Variants in BICC1 observed in about 807,000 individuals in gnomAD.
BICC1 encodes BicC family RNA binding protein 1, also known as protein bicaudal C homolog 1.
BICC1 carries 43 observed loss-of-function variants against 111.0 expected under a neutral mutation model. The ratio of observed to expected loss-of-function variants is 0.39; its 90% CI spans 0.30 to 0.50. BICC1 has a LOEUF of 0.50. BICC1 is among the 20% of genes least tolerant of loss of function. BICC1 has a pLI of 0.88. For missense variants in BICC1, 1,091 were observed against 1,203.2 expected, an observed-to-expected ratio of 0.91 and a Z score of 1.38; for synonymous variants, 467 against 434.4, an observed-to-expected ratio of 1.07 and a Z score of -0.93.
intron 2 of BICC1, among the ~76,000 whole-genome samples, chr10:58,675,571 C>A (rs1052512790): frequency 3.3e-5 from 5 of 151,982 alleles, no homozygotes; most frequent in African/African-American, 7.3e-5. Context: ...AAAAAAAAAT[C>A]AAACTTACAG....
chr10:58,513,363 C>A (rs748825695), intron 1 of BICC1, 30 bp downstream of exon 1: 3 of 1,544,312 alleles, frequency 1.9e-6, no homozygotes, highest in South Asian at 2.4e-5. Flanking sequence ...TCGGACTCTC[C>A]GACTGAGCCT....
intron 2 of BICC1, among the ~76,000 whole-genome samples, chr10:58,655,894 G>A (rs920359437): frequency 1.3e-5 from 2 of 151,946 alleles, no homozygotes; most frequent in African/African-American, 4.8e-5. Flanking sequence ...TTAGCATGAA[G>A]GGTTGTTGAA....
intron 1 of BICC1, among the ~76,000 whole-genome samples, chr10:58,620,411 G>T (rs1845764183): frequency 6.6e-6 from 1 of 152,058 alleles, no homozygotes; most frequent in Non-Finnish European, 1.5e-5. Context: ...TGAAATTCAA[G>T]TAGATTATAT....
intron 3 of BICC1, among the ~76,000 whole-genome samples, chr10:58,713,477 T>C (rs577886665): frequency 6.6e-6 from 1 of 152,364 alleles, no homozygotes; most frequent in African/African-American, 2.4e-5. Flanking sequence ...TGAAGGAGTG[T>C]TATTCTCCCC....
chr10:58,554,251 A>G (rs1295918445), intron 1 of BICC1, among the ~76,000 whole-genome samples: 1 of 152,148 alleles, frequency 6.6e-6, no homozygotes, highest in Non-Finnish European at 1.5e-5. Context: ...TGAGAGTCAG[A>G]GAGGACAATT....
intron 2 of BICC1, among the ~76,000 whole-genome samples, chr10:58,624,750 C>T (rs566415241): frequency 1.3e-5 from 2 of 152,052 alleles, no homozygotes; most frequent in South Asian, 2.1e-4. Context: ...TGCGCCACCA[C>T]GCCCAGTTAA....
rs993346434 is a variant in BICC1 at position 58,830,528 on chromosome 10, C to T, written c.*1637C>T. On this transcript the variant is annotated 3_prime_UTR_variant, in exon 21 of 21. Coordinates refer to ENST00000373886, the MANE Select transcript of BICC1 (RefSeq NM_001080512.3). ...TTATACAAATATGGGATAAGAAATA[C>T]TTGCCTGACACTTTTCCATGGCTGA... 6.6e-6 allele frequency: 1 copy of T among 152,130 alleles called. No individual in the cohort carries two copies. The highest frequency in any genetic ancestry group is 1.5e-5 in the Non-Finnish European group (1 of 68,008). The allele number at this position is 152,130 out of a possible 1,614,324, so 9.4% of individuals were successfully genotyped here.
chr10:58,641,328 T>G (rs1029633206), intron 2 of BICC1, among the ~76,000 whole-genome samples: 2 of 152,212 alleles, frequency 1.3e-5, no homozygotes, highest in African/African-American at 4.8e-5. Flanking sequence ...AGGGCAACAC[T>G]TGCATTGTGG....
intron 1 of BICC1, among the ~76,000 whole-genome samples, chr10:58,574,366 G>A (rs1471139430): frequency 1.3e-5 from 2 of 152,134 alleles, no homozygotes; most frequent in South Asian, 2.1e-4. Context: ...CCCAGGACAC[G>A]TGGCTACCAG....
chr10:58,525,857 C>A (rs1250547121), intron 1 of BICC1, among the ~76,000 whole-genome samples: 1 of 151,524 alleles, frequency 6.6e-6, no homozygotes, highest in Non-Finnish European at 1.5e-5. Context: ...GCTTTGTATT[C>A]AGTATTTTAA....
At chr10:58,730,129 A>G (rs1249748774) in intron 3 of BICC1, among the ~76,000 whole-genome samples, 1 of 152,226 alleles carries the variant, frequency 6.6e-6, no homozygotes, top group Non-Finnish European at 1.5e-5. Context: ...CAAGTTAGTT[A>G]CTTCCAAGAT....
intron 1 of BICC1, among the ~76,000 whole-genome samples, chr10:58,542,150 C>CAAAAAAAAAA (rs149049552): frequency 2.4e-5 from 2 of 82,366 alleles, no homozygotes; most frequent in South Asian, 4.7e-4. Flanking sequence ...GACCCTGTCT[C>CAAAAAAAAAA]AAAAAAAAAA....
chr10:58,598,304 A>T (rs761758309), intron 1 of BICC1, among the ~76,000 whole-genome samples: 1 of 152,172 alleles, frequency 6.6e-6, no homozygotes, highest in Non-Finnish European at 1.5e-5. Flanking sequence ...TGGTACCAAA[A>T]CAGAGATATG....
chr10:58,631,164 A>G (rs1254615405), intron 2 of BICC1, among the ~76,000 whole-genome samples: 2 of 152,050 alleles, frequency 1.3e-5, no homozygotes, highest in African/African-American at 4.8e-5. Flanking sequence ...TCCCTCTTAC[A>G]CTTCTGTGGG....
intron 2 of BICC1, among the ~76,000 whole-genome samples, chr10:58,651,294 A>G (rs1359736619): frequency 6.6e-6 from 1 of 152,180 alleles, no homozygotes; most frequent in Non-Finnish European, 1.5e-5. Flanking sequence ...GTGAGCAGAA[A>G]AGACCCAGCA....
intron 1 of BICC1, among the ~76,000 whole-genome samples, chr10:58,534,776 A>T (rs1308897649): frequency 6.6e-6 from 1 of 151,718 alleles, no homozygotes; most frequent in African/African-American, 2.4e-5. Flanking sequence ...TAAAAATTCA[A>T]AAGGTTGATT....
At chr10:58,670,069 G>A (rs1434060391) in intron 2 of BICC1, among the ~76,000 whole-genome samples, 4 of 152,116 alleles carry the variant, frequency 2.6e-5, no homozygotes, top group African/African-American at 9.7e-5. Context: ...ATGGGAAAAT[G>A]CACAAAAGTT....
chr10:58,797,990 G>A (rs1025854007), intron 10 of BICC1, among the ~76,000 whole-genome samples: 9 of 152,272 alleles, frequency 5.9e-5, no homozygotes, highest in Admixed American at 2.6e-4. Flanking sequence ...TTCCCTAGTC[G>A]CTGCTACATG....
intron 2 of BICC1, among the ~76,000 whole-genome samples, chr10:58,690,954 C>T (rs922268886): frequency 6.6e-6 from 1 of 152,068 alleles, no homozygotes; most frequent in Non-Finnish European, 1.5e-5. Flanking sequence ...CCGTTCCTCC[C>T]CCAAGTTTGT....
Sources: allele counts gnomAD v4.1 joint callset (sites outside exome capture counted in the v4.1 genomes callset), GRCh38; gene constraint gnomAD v4.1.1; transcripts MANE v1.5; gene names NCBI Gene and HGNC (gene_info 2026-07-23, HGNC 2026-07-21).